The following SLC6A12 variants were observed in gnomAD, a reference collection of about 807,000 sequenced individuals.
SLC6A12 encodes sodium- and chloride-dependent betaine transporter.
In SLC6A12, 50 loss-of-function variants were observed where a neutral mutation model predicts 73.3. The ratio of observed to expected loss-of-function variants is 0.68; its 90% CI spans 0.54 to 0.86. The LOEUF (loss-of-function observed/expected upper bound fraction) is 0.86. Among genes scored for constraint, SLC6A12 ranks in the 40% least tolerant of loss-of-function variants. The pLI is 0.00. For missense variants in SLC6A12, 648 were observed against 772.8 expected, an observed-to-expected ratio of 0.84 and a Z score of 1.92; for synonymous variants, 304 against 309.2, an observed-to-expected ratio of 0.98 and a Z score of 0.18.
Position 196,141 on chromosome 12 carries a change from G to T in SLC6A12, c.1309C>A (p.Leu437Ile). 1 of 1,563,416 alleles carries T rather than the reference G, an allele frequency of 6.4e-7. No individual in the cohort carries two copies. Among genetic ancestry groups the T allele is most frequent in the Non-Finnish European group, 8.7e-7 (1 of 1,153,508 alleles). The change falls in exon 12 of 16, where the codon CTT (leucine) becomes ATT (isoleucine). Residue 437 changes from leucine (L) to isoleucine (I), a missense_variant. Physicochemically the swap from Leu to Ile is conservative, Grantham distance 5 (BLOSUM62 2). Transcript: ENST00000684302. ...CAGCTCACCTCGGTGACCAGGAAAA[G>T]CCCTATCAGGTAGCACATGACGGCG... Reference protein sequence around the residue: ...TIAVMCYLIGLFLVTEGGMYI... With the variant: ...TIAVMCYLIGIFLVTEGGMYI...
rs576321383 is a variant in SLC6A12 at position 197,323 on chromosome 12, T to C, written c.1075+54A>G. 72 of 1,559,048 alleles carry C rather than the reference T, an allele frequency of 4.6e-5. No homozygotes were observed. In the South Asian group the frequency reaches 7.3e-4, roughly 16 times the overall value. On this transcript the variant is annotated intron_variant, in intron 10 of 15. Transcript: ENST00000684302. ...CTCATGCCTTTCAGCAAGAGAGAAG[T>C]GTGTTCTCTGACTCTCCTTCCCCTC...
At chr12:196,084 C>T (rs760777225) in intron 12 of SLC6A12, 40 bp downstream of exon 12, 3 of 1,543,766 alleles carry the variant, frequency 1.9e-6, no homozygotes, top group South Asian at 2.4e-5. Context: ...GTGGCTCCCT[C>T]CCCTGGAGCC....
At chr12:196,728 G>A (rs1322400112) in intron 11 of SLC6A12, 42 bp downstream of exon 11, 1 of 1,409,486 alleles carries the variant, frequency 7.1e-7, no homozygotes, top group Non-Finnish European at 1.0e-6. Flanking sequence ...AGGCTTGCAA[G>A]AGGGTCACCA....
downstream of SLC6A12, among the ~76,000 whole-genome samples, chr12:185,889 G>A (rs1340076229): frequency 6.6e-6 from 1 of 152,214 alleles, no homozygotes; most frequent in African/African-American, 2.4e-5. Flanking sequence ...TCCTCCCATG[G>A]CCGCTGCATC....
At chr12:201,967 T>C (rs1223708505) in intron 5 of SLC6A12, 118 bp from the exon 6 acceptor site, 5 of 777,086 alleles carry the variant, frequency 6.4e-6, no homozygotes, top group African/African-American at 1.7e-5. Context: ...AGAGCTTCTT[T>C]TGGAGCCCCC....
At chr12:187,542 AGAGT>A (rs1268331662), downstream of SLC6A12, among the ~76,000 whole-genome samples, 1 of 140,548 alleles carries the variant, frequency 7.1e-6, no homozygotes, top group Non-Finnish European at 1.6e-5. Context: ...TCATAAAGGC[AGAGT>A]AGACCCAAAC....
rs371977266 is a variant in SLC6A12, at chr12:198,979, G to A, written c.712-48C>T. ...AGGTCACTCCTGGTGGGGACGCAGT[G>A]GCCCTCCAGCCACGCCCCACAGGCA... On this transcript the variant is annotated intron_variant, in intron 7 of 15. Transcript: ENST00000684302. This position sits in a 1 kb window ranked among gnomAD's most constrained non-coding sequence, Gnocchi z 4.0. 29 of 1,604,584 alleles carry A rather than the reference G, an allele frequency of 1.8e-5. No individual in the cohort carries two copies. The highest frequency in any genetic ancestry group is 2.5e-5 in the Non-Finnish European group (29 of 1,172,808).
the SLC6A12 span, among the ~76,000 whole-genome samples, chr12:184,450 C>T: frequency 6.6e-6 from 1 of 152,144 alleles, no homozygotes; most frequent in Non-Finnish European, 1.5e-5. Flanking sequence ...CATGGCAAAA[C>T]CTCATCTCTA....
rs750575623 is a variant in SLC6A12, at chr12:193,357, T to C, written c.1450A>G (p.Asn484Asp). 9.3e-6 allele frequency: 15 copies of C among 1,613,760 alleles called. No homozygotes were observed. The Admixed American group carries it at 2.5e-4, about 27-fold the overall frequency. ...CGGTAGCCAATCATGTCCTCAATGTTGTCATAGAAACGGTCCGCCCCTGAG... is the reference window on the plus strand; with the variant it reads ...CGGTAGCCAATCATGTCCTCAATGTCGTCATAGAAACGGTCCGCCCCTGAG... Reference protein sequence around the residue: ...WVYGADRFYDNIEDMIGYRPW... With the variant: ...WVYGADRFYDDIEDMIGYRPW... The change falls in exon 14 of 16, where the codon AAC becomes GAC. Residue 484 changes from asparagine (N) to aspartate (D), a missense_variant. By Grantham distance (23) the Asn-to-Asp change is conservative. Coordinates refer to ENST00000684302, the MANE Select transcript of SLC6A12 (RefSeq NM_001122848.3).
At chr12:204,527 C>A (rs758263950) in intron 4 of SLC6A12, 37 bp downstream of exon 4, 1 of 1,606,134 alleles carries the variant, frequency 6.2e-7, no homozygotes, top group African/African-American at 1.3e-5. Context: ...GGCAAGATGG[C>A]GGCCCCATGA....
chr12:201,061 G>C (rs1940235702), intron 6 of SLC6A12, among the ~76,000 whole-genome samples: 1 of 152,204 alleles, frequency 6.6e-6, no homozygotes, highest in Non-Finnish European at 1.5e-5. Flanking sequence ...TGAGCGTTTA[G>C]AGAGTAGATA....
chr12:212,386 G>A (rs934463439), intron 1 of SLC6A12, among the ~76,000 whole-genome samples: 9 of 152,202 alleles, frequency 5.9e-5, no homozygotes, highest in Non-Finnish European at 8.8e-5. Context: ...AGGGAAAGCC[G>A]GAGGGGCGCA....
At chr12:208,802 TA>T (rs1184941987) in intron 3 of SLC6A12, among the ~76,000 whole-genome samples, 1 of 152,164 alleles carries the variant, frequency 6.6e-6, no homozygotes, top group Non-Finnish European at 1.5e-5. Flanking sequence ...GTGACTATAC[TA>T]AAAACCACTG....
downstream of SLC6A12, among the ~76,000 whole-genome samples, chr12:187,085 G>A (rs147499319): frequency 1.5e-3 from 234 of 152,300 alleles, 2 homozygotes; most frequent in Admixed American, 9.0e-3. Flanking sequence ...GAAGACTGTG[G>A]CAAACTCCAG....
At chr12:187,589 C>CAAAAAAAAAAAAAAAAAAA (rs761187495), downstream of SLC6A12, among the ~76,000 whole-genome samples, 32 of 106,034 alleles carry the variant, frequency 3.0e-4, 1 homozygote, top group South Asian at 7.2e-4. Flanking sequence ...TGCAAAAGAG[C>CAAAAAAAAAAAAAAAAAAA]AAAAAAAAAA....
chr12:201,786 G>A lies in SLC6A12; in HGVS notation c.554C>T (p.Thr185Ile). Residue 185 changes from threonine (T) to isoleucine (I), a missense_variant, in exon 6 of 16, where the codon ACC becomes ATC. Transcript: ENST00000684302. ...CTCCCAGAATTCCATGACAGGTGAG[G>A]TAAAATTCTCAAATGGGGTCACTGT... ...AGTVTPFENFTSPVMEFWERR... is the reference protein window; with the variant it reads ...AGTVTPFENFISPVMEFWERR... The A allele has an allele frequency of 6.2e-7, 1 of 1,614,058 alleles. No homozygotes were observed. Among genetic ancestry groups the A allele is most frequent in the Middle Eastern group, 1.6e-4 (1 of 6,062 alleles).
At chr12:199,009 G>A (rs936850346) in intron 7 of SLC6A12, 78 bp from the exon 8 acceptor site, 11 of 1,447,810 alleles carry the variant, frequency 7.6e-6, no homozygotes, top group Admixed American at 3.5e-5. Context: ...CAGGCAGCTC[G>A]AGTCACACGG....
intron 3 of SLC6A12, among the ~76,000 whole-genome samples, chr12:208,739 C>T (rs200226303): frequency 6.6e-5 from 10 of 152,180 alleles, no homozygotes; most frequent in Admixed American, 1.3e-4. Flanking sequence ...GGATTTCTTT[C>T]GGGGATGATG....
chr12:208,896 G>C (rs1421572707), intron 3 of SLC6A12, among the ~76,000 whole-genome samples: 1 of 152,010 alleles, frequency 6.6e-6, no homozygotes, highest in East Asian at 1.9e-4. Context: ...ATAAAATCAT[G>C]TTTCTCTAAC....
Sources: gnomAD v4.1 joint callset for allele counts (sites outside exome capture counted in the v4.1 genomes callset) on GRCh38, gnomAD v4.1.1 for gene constraint, Gnocchi (gnomAD v3.1) non-coding constraint, MANE v1.5 for transcripts, NCBI Gene and HGNC (gene_info 2026-07-23, HGNC 2026-07-21) for gene names.